MROH7: variants seen among roughly 807,000 people sequenced by gnomAD.
MROH7 encodes the protein maestro heat like repeat family member 7.
A neutral mutation model predicts 129.2 loss-of-function variants in MROH7; 113 were observed. The ratio of observed to expected loss-of-function variants is 0.87; its 90% CI spans 0.75 to 1.02. The LOEUF (loss-of-function observed/expected upper bound fraction) is 1.02. Among genes scored for constraint, MROH7 ranks in the 50% least tolerant of loss-of-function variants. The pLI, the probability that MROH7 is intolerant of heterozygous loss-of-function variation, is 0.00. For synonymous variants in MROH7, 655 were observed against 667.9 expected (o/e 0.98, Z 0.30); for missense variants, 1,601 against 1,671.3 (o/e 0.96, Z 0.73).
rs1245400545 is a variant in MROH7, at chr1:54,695,368, A to C, written c.2850-8A>C. 1 of 1,586,606 alleles carries C rather than the reference A, an allele frequency of 6.3e-7. No homozygotes were observed. The highest frequency in any genetic ancestry group is 8.6e-7 in the Non-Finnish European group (1 of 1,159,512). On this transcript the variant is annotated splice_region_variant and splice_polypyrimidine_tract_variant and intron_variant, in intron 16 of 23. Transcript: ENST00000421030. ...CCTGAGGGGACTACTCCCCCTTCCC[A>C]CCCCCAGGGCCATGGTGCAGTACTC...
chr1:54,699,830 G>T, intron 17 of MROH7: 1 of 444,002 alleles, frequency 2.3e-6, no homozygotes. Context: ...GAGGCAGTCA[G>T]CCTAAATGAG....
chr1:54,685,196 T>A (rs1370204385), intron 14 of MROH7, among the ~76,000 whole-genome samples: 1 of 152,166 alleles, frequency 6.6e-6, no homozygotes, highest in Non-Finnish European at 1.5e-5. Flanking sequence ...TTTGTATTTT[T>A]AGTAGAGACG....
At chr1:54,686,628 C>A (rs1200219186) in intron 15 of MROH7, among the ~76,000 whole-genome samples, 180 bp downstream of exon 15, 2 of 152,192 alleles carry the variant, frequency 1.3e-5, no homozygotes, top group Admixed American at 6.5e-5. Context: ...TTTTTGAGCA[C>A]CTGCTCTGTG....
chr1:54,687,428 A>G (rs191211620), intron 15 of MROH7, among the ~76,000 whole-genome samples: 1 of 152,228 alleles, frequency 6.6e-6, no homozygotes. Context: ...ATAGGATCCC[A>G]GTGCACCATA....
chr1:54,644,244 G>A (rs1466078762), intron 1 of MROH7, among the ~76,000 whole-genome samples: 2 of 150,458 alleles, frequency 1.3e-5, no homozygotes, highest in Non-Finnish European at 3.0e-5. Context: ...TTGGGGGGTG[G>A]GGAGGGGGGT....
At chr1:54,699,287 CTCTT>C (rs1277181565) in intron 17 of MROH7, 11 of 147,798 alleles carry the variant, frequency 7.4e-5, no homozygotes, top group African/African-American at 1.8e-4. Flanking sequence ...CTCCTTCTCT[CTCTT>C]TATTTCTTTC....
chr1:54,673,043 G>A, intron 7 of MROH7, 48 bp from the exon 8 acceptor site: 1 of 1,446,078 alleles, frequency 6.9e-7, no homozygotes, highest in Non-Finnish European at 9.7e-7. Flanking sequence ...TGGGGCTGGT[G>A]TCCGCTCCAG....
intron 3 of MROH7, among the ~76,000 whole-genome samples, chr1:54,658,718 G>C (rs1054145167): frequency 1.3e-5 from 2 of 152,206 alleles, no homozygotes; most frequent in South Asian, 4.2e-4. Context: ...TCCTTCTCCT[G>C]GGGCTAGATT....
Position 54,702,583 on chromosome 1 carries a change from C to T in MROH7, c.3442-40C>T, listed in dbSNP as rs201133057. On this transcript the variant is annotated intron_variant, in intron 20 of 23. Transcript: ENST00000421030. ...TCCCTTTTTCTGGACCATAGTCTGGCTGTCCACAGTTCTGATATTTTCTTC... is the reference window on the plus strand; with the variant it reads ...TCCCTTTTTCTGGACCATAGTCTGGTTGTCCACAGTTCTGATATTTTCTTC... The T allele has an allele frequency of 3.8e-4, 577 of 1,502,116 alleles. 1 individual carries two copies. The highest frequency in any genetic ancestry group is 2.9e-3 in the Middle Eastern group (16 of 5,574). 93.0% of individuals were successfully genotyped at this position (1,502,116 alleles called of 1,614,324 possible).
In MROH7 at chr1:54,704,175, A is replaced by C. The variant is rs1357234756; in HGVS notation, c.3564+1430A>C. ...GTAATGCTCAAAGCCTCTGCAATTG[A>C]GGGTCTCATGATATTACCATCACAT... On this transcript the variant is annotated intron_variant, in intron 21 of 23. Transcript: ENST00000421030. Among the ~76,000 whole-genome samples, 3 of 152,198 alleles carry C rather than the reference A, an allele frequency of 2.0e-5. No individual in the cohort carries two copies. In the South Asian group the frequency reaches 6.2e-4, roughly 32 times the overall value.
rs1644946619 is a variant in MROH7, at chr1:54,674,113, G to GCAT, written c.1906_1908dup (p.Ile636dup). 3.7e-6 allele frequency: 6 copies of GCAT among 1,613,846 alleles called. No individual in the cohort carries two copies. The highest frequency in any genetic ancestry group is 1.3e-5 in the African/African-American group (1 of 74,906). On this transcript the variant is annotated inframe_insertion, in exon 10 of 24. Transcript: ENST00000421030. ...GAGATTGGCTGTGAGGCTCTGGACG[G>GCAT]CATCATCATCCTCTACACTATTCTG... is the stretch of plus-strand genomic sequence containing the variant.
chr1:54,692,541 C>A lies in MROH7; in HGVS notation c.2829C>A (p.Arg943=). 2 of 1,500,664 alleles carry A rather than the reference C, an allele frequency of 1.3e-6. No individual in the cohort carries two copies. The highest frequency in any genetic ancestry group is 1.8e-6 in the Non-Finnish European group (2 of 1,106,940). The allele number at this position is 1,500,664 out of a possible 1,614,324, so 93.0% of individuals were successfully genotyped here. A position where few individuals can be genotyped will look rare whatever the true frequency, so the allele number is the denominator to read the frequency against. Residue 943 remains arginine (R), a synonymous_variant, in exon 16 of 24, where the codon CGC becomes CGA. Coordinates refer to ENST00000421030, the MANE Select transcript of MROH7 (RefSeq NM_001039464.4). ...TGGAGCAGGTGGAGAGCCACCACCGCGGAGTGGCCTTGCTGGCAAGGTGAG... is the reference window on the plus strand; with the variant it reads ...TGGAGCAGGTGGAGAGCCACCACCGAGGAGTGGCCTTGCTGGCAAGGTGAG... ...ELMEQVESHH[R]GVALLARAMV... is the part of the protein sequence containing the mutation.
chr1:54,666,748 G>T (rs1399716497), intron 4 of MROH7, among the ~76,000 whole-genome samples: 1 of 152,002 alleles, frequency 6.6e-6, no homozygotes, highest in Admixed American at 6.6e-5. Context: ...CACCCAGCAA[G>T]AGAAGAGGAA....
chr1:54,699,938 A>G, intron 17 of MROH7: 1 of 591,846 alleles, frequency 1.7e-6, no homozygotes, highest in East Asian at 2.8e-5. Context: ...TCCCAGGAGA[A>G]GGGCATTTTG....
At chr1:54,680,385 C>T (rs923035418) in intron 13 of MROH7, among the ~76,000 whole-genome samples, 1 of 152,220 alleles carries the variant, frequency 6.6e-6, no homozygotes, top group Admixed American at 6.5e-5. Flanking sequence ...AGCTCTTTAA[C>T]AATGCCATTG....
intron 10 of MROH7, among the ~76,000 whole-genome samples, chr1:54,674,533 G>A (rs1389544794): frequency 2.0e-5 from 3 of 152,056 alleles, no homozygotes; most frequent in African/African-American, 7.2e-5. Flanking sequence ...CTGTATCTTG[G>A]TCACCCCTGT....
chr1:54,707,229 C>T (rs1373074450), intron 22 of MROH7, among the ~76,000 whole-genome samples: 1 of 152,184 alleles, frequency 6.6e-6, no homozygotes, highest in Non-Finnish European at 1.5e-5. Flanking sequence ...TGTGTCTCCT[C>T]CCAGTTACTC....
intron 3 of MROH7, among the ~76,000 whole-genome samples, chr1:54,660,451 C>T (rs552657134): frequency 2.0e-5 from 3 of 152,292 alleles, no homozygotes; most frequent in Admixed American, 6.5e-5. Flanking sequence ...AATTAATTTA[C>T]GCTTCCACAA....
At chr1:54,670,389 G>T (rs1298577545) in intron 5 of MROH7, 108 bp from the exon 6 acceptor site, 2 of 847,946 alleles carry the variant, frequency 2.4e-6, no homozygotes, top group Middle Eastern at 2.5e-4. Flanking sequence ...AGGAGCACTT[G>T]AGGGTATGCT....
Sources: gnomAD v4.1 joint callset for allele counts (sites outside exome capture counted in the v4.1 genomes callset) on GRCh38, gnomAD v4.1.1 for gene constraint, MANE v1.5 for transcripts, NCBI Gene and HGNC (gene_info 2026-07-23, HGNC 2026-07-21) for gene names.